The following DNAAF4 variants were observed in gnomAD, a reference collection of about 807,000 sequenced individuals.
DNAAF4 encodes the protein dynein assembly factor 4, axonemal.
Under a neutral mutation model 51.8 loss-of-function variants are expected in DNAAF4, and 43 were observed. That is an observed-to-expected ratio of 0.83 (90% CI 0.65 to 1.07). The LOEUF (loss-of-function observed/expected upper bound fraction) is 1.07, where lower values mean the gene tolerates loss of function less well. Ranked by LOEUF, DNAAF4 falls within the 50% of genes least tolerant of loss-of-function variation. The pLI is 0.00. For missense variants in DNAAF4, 581 were observed against 493.0 expected (o/e 1.18, Z -1.69); for synonymous variants, 194 against 165.6 (o/e 1.17, Z -1.32).
At chr15:55,443,227 A>G in intron 6 of DNAAF4, 1 of 1,608,620 alleles carries the variant, frequency 6.2e-7, no homozygotes, top group South Asian at 1.1e-5. Context: ...ATAGTCCTTA[A>G]GAATGACTTC....
chr15:55,490,700 T>A (rs750345738), intron 4 of DNAAF4, among the ~76,000 whole-genome samples: 1 of 152,124 alleles, frequency 6.6e-6, no homozygotes, highest in Non-Finnish European at 1.5e-5. Context: ...ACGCCTCTAA[T>A]CCCAGCACTT....
At position 55,443,293 on chromosome 15, in the gene DNAAF4, C is replaced by T. The variant is rs2057743745; in HGVS notation, c.784-3712G>A. 5 of 1,450,256 alleles carry T rather than the reference C, an allele frequency of 3.4e-6. No homozygotes were observed. The South Asian group carries it at 6.0e-5, about 17-fold the overall frequency. 89.8% of individuals were successfully genotyped at this position (1,450,256 alleles called of 1,614,324 possible). A position where few individuals can be genotyped will look rare whatever the true frequency, so the allele number is the denominator to read the frequency against. On this transcript the variant is annotated intron_variant, in intron 6 of 9. Transcript: ENST00000321149. ...CGGCTCACTACCCGGCAGGCGCCTG[C>T]CTACCGGTGGCGGCTGGCAAAGGGC...
chr15:55,448,523 T>TAA (rs1377840266), intron 6 of DNAAF4, among the ~76,000 whole-genome samples: 1 of 24,226 alleles, frequency 4.1e-5, no homozygotes, highest in African/African-American at 1.9e-4. Flanking sequence ...AAAAAGGGTG[T>TAA]GTGTGTGTGT....
chr15:55,443,456 A>G (rs2057747417), intron 6 of DNAAF4: 1 of 578,558 alleles, frequency 1.7e-6, no homozygotes, highest in South Asian at 2.2e-5. Flanking sequence ...ATTGATGGAC[A>G]TTTGGGTTGG....
intron 4 of DNAAF4, among the ~76,000 whole-genome samples, chr15:55,473,843 T>A (rs186518151): frequency 0.023 from 3,499 of 151,718 alleles, 124 homozygotes; most frequent in African/African-American, 0.077. Context: ...AATAAAAAAA[T>A]TAGCTGGGCG....
intron 8 of DNAAF4, among the ~76,000 whole-genome samples, chr15:55,433,017 C>T (rs1036417155): frequency 3.4e-5 from 5 of 146,948 alleles, no homozygotes; most frequent in South Asian, 2.2e-4. Flanking sequence ...AAATAAGCCT[C>T]GGGTGGGCCT....
chr15:55,450,262 G>T lies in DNAAF4; in HGVS notation c.743C>A (p.Pro248Gln), dbSNP rs1425693640. 6.2e-7 allele frequency: 1 copy of T among 1,613,988 alleles called. No homozygotes were observed. Among genetic ancestry groups the T allele is most frequent in the South Asian group, 1.1e-5 (1 of 91,022 alleles). Residue 248 changes from proline (P) to glutamine (Q), a missense_variant, in exon 6 of 10, where the codon CCA (proline) becomes CAA (glutamine). Physicochemically the swap from Pro to Gln is moderately conservative, Grantham distance 76. Coordinates refer to ENST00000321149, the MANE Select transcript of DNAAF4 (RefSeq NM_130810.4). ...TACTTGTGATTCACGAAGAGCTGTT[G>T]GGAATACTCGAGGGGTAAAGTTGAT... The part of the protein sequence containing the change: ...IKINFTPRVF[P>Q]TALRESQVAE...
chr15:55,428,484 CTTTTTTTTTTT>C (rs747325376), downstream of DNAAF4, among the ~76,000 whole-genome samples: 2 of 85,012 alleles, frequency 2.4e-5, no homozygotes, highest in African/African-American at 8.3e-5. Flanking sequence ...TCTTTTTTTT[CTTTTTTTTTTT>C]TTTTTTTTTT....
At chr15:55,449,679 C>A (rs548482584) in intron 6 of DNAAF4, among the ~76,000 whole-genome samples, 2 of 132,004 alleles carry the variant, frequency 1.5e-5, no homozygotes, top group African/African-American at 2.8e-5. Context: ...AAACAAACAA[C>A]AACAACAAAA....
At chr15:55,451,432 T>A (rs554358693) in intron 5 of DNAAF4, among the ~76,000 whole-genome samples, 103 of 152,288 alleles carry the variant, frequency 6.8e-4, no homozygotes, top group Admixed American at 5.0e-3. Context: ...CAAAAGACAT[T>A]TCTAGGTATG....
Position 55,435,800 on chromosome 15 carries a change from T to C in DNAAF4, c.894-742A>G, listed in dbSNP as rs530390807. Among the ~76,000 whole-genome samples the C allele has an allele frequency of 3.8e-3, 579 of 152,286 alleles. 9 individuals are homozygous for C. Among genetic ancestry groups the C allele is most frequent in the Non-Finnish European group, 8.2e-4 (56 of 68,020 alleles). On this transcript the variant is annotated intron_variant, in intron 7 of 9. Transcript: ENST00000321149. ...GTCTTTGCTTTTTTTTGTTTGTTTGTTTTTTGAGACAGAGTTTCACTCTTG... is the reference window on the plus strand; with the variant it reads ...GTCTTTGCTTTTTTTTGTTTGTTTGCTTTTTGAGACAGAGTTTCACTCTTG...
At chr15:55,468,490 G>C (rs1331068737) in intron 4 of DNAAF4, among the ~76,000 whole-genome samples, 5 of 151,472 alleles carry the variant, frequency 3.3e-5, no homozygotes, top group African/African-American at 1.2e-4. Flanking sequence ...GATTGAACCA[G>C]GAAGAATCTA....
In DNAAF4 at chr15:55,439,501, C is replaced by A; in HGVS notation, c.864G>T (p.Lys288Asn). 1 of 1,614,022 alleles carries A rather than the reference C, an allele frequency of 6.2e-7. No homozygotes were observed. Among genetic ancestry groups the A allele is most frequent in the South Asian group, 1.1e-5 (1 of 91,062 alleles). ...CTTTATCCTTCAACCATTCTGGGTT[C>A]TTTTCTTCTTCTTTTAAATCGCAAA... ...AELCDLKEEE[K>N]NPEWLKDKGN... The change falls in exon 7 of 10, where the codon AAG (lysine) becomes AAT (asparagine). Residue 288 changes from lysine (K) to asparagine (N), a missense_variant. Coordinates refer to ENST00000321149, the MANE Select transcript of DNAAF4 (RefSeq NM_130810.4).
At chr15:55,465,134 C>G (rs2058149753) in intron 5 of DNAAF4, among the ~76,000 whole-genome samples, 1 of 148,390 alleles carries the variant, frequency 6.7e-6, no homozygotes, top group Non-Finnish European at 1.5e-5. Context: ...TGAAAAGGGA[C>G]ACTTTTACAC....
At chr15:55,501,637 A>G (rs895579916) in intron 1 of DNAAF4, among the ~76,000 whole-genome samples, 2 of 151,900 alleles carry the variant, frequency 1.3e-5, no homozygotes, top group Non-Finnish European at 2.9e-5. Flanking sequence ...GGCCTCCCAA[A>G]GTGCCGGGAT....
intron 5 of DNAAF4, among the ~76,000 whole-genome samples, chr15:55,456,435 C>T (rs1266043484): frequency 6.6e-6 from 1 of 152,084 alleles, no homozygotes; most frequent in Non-Finnish European, 1.5e-5. Context: ...AAACCAAACT[C>T]GTAGCTTTCA....
intron 7 of DNAAF4, among the ~76,000 whole-genome samples, chr15:55,421,433 G>A (rs2057387460): frequency 6.6e-6 from 1 of 151,858 alleles, no homozygotes; most frequent in Non-Finnish European, 1.5e-5. Context: ...AACCTGGGAG[G>A]TGGAGGTTGC....
At chr15:55,486,187 TTGGTTGG>T (rs145965007) in intron 4 of DNAAF4, among the ~76,000 whole-genome samples, 196 of 148,892 alleles carry the variant, frequency 1.3e-3, no homozygotes, top group African/African-American at 4.5e-3. Context: ...GGTTGGTTGG[TTGGTTGG>T]TTTTTTTTTT....
At chr15:55,449,272 G>A (rs994785169) in intron 6 of DNAAF4, among the ~76,000 whole-genome samples, 1 of 151,360 alleles carries the variant, frequency 6.6e-6, no homozygotes, top group Non-Finnish European at 1.5e-5. Context: ...TTACAGGCGT[G>A]AGCCACCACG....
Sources: gnomAD v4.1 joint callset for allele counts (sites outside exome capture counted in the v4.1 genomes callset) on GRCh38, gnomAD v4.1.1 for gene constraint, MANE v1.5 for transcripts, NCBI Gene and HGNC (gene_info 2026-07-23, HGNC 2026-07-21) for gene names.